Variants in CLMN observed in about 807,000 individuals in gnomAD.
CLMN encodes calmin, also known as calmin (calponin-like, transmembrane).
CLMN carries 57 observed loss-of-function variants against 92.7 expected under a neutral mutation model. The observed-to-expected ratio is 0.61, with a 90% CI of 0.50 to 0.77. The LOEUF is 0.77. CLMN is among the 30% of genes least tolerant of loss of function. The pLI, the probability that CLMN is intolerant of heterozygous loss-of-function variation, is 0.00. For synonymous variants in CLMN, 466 were observed against 470.6 expected (o/e 0.99, Z 0.13); for missense variants, 1,158 against 1,237.5 (o/e 0.94, Z 0.96).
At chr14:95,247,813 C>T (rs1566893003) in intron 1 of CLMN, among the ~76,000 whole-genome samples, 1 of 151,748 alleles carries the variant, frequency 6.6e-6, no homozygotes, top group Non-Finnish European at 1.5e-5. Context: ...GGTGTGCAGG[C>T]CATTAGCTGC....
chr14:95,245,237 ATTATATATATATATATAAT>A lies in CLMN; in HGVS notation c.83-15123_83-15105del, dbSNP rs1898477684. On this transcript the variant is annotated intron_variant, in intron 1 of 12. Transcript: ENST00000298912. Reference sequence around the variant, plus strand: ...ATATATATATATATTATATATATATATTATATATATATATATAATATATATATATATATTATATATATAT... The same window carrying A: ...ATATATATATATATTATATATATATAATATATATATATATTATATATATAT... 9.6e-5 allele frequency among the ~76,000 whole-genome samples: 3 copies of A among 31,262 alleles called. No homozygotes were observed. The Admixed American group carries it at 1.5e-3, about 16-fold the overall frequency. The allele number at this position is 31,262 out of a possible 152,430, so 20.5% of individuals were successfully genotyped here. A position where few individuals can be genotyped will look rare whatever the true frequency, so the allele number is the denominator to read the frequency against.
rs567237321 is a variant in CLMN, at chr14:95,194,144, AC to A, written c.2770-226del. Reference sequence around the variant, plus strand: ...AGTGCGAGAGACCCCACCACCCGGAACCCGGATTGGGGTGTGCTGCTCCGGG... The same window carrying A: ...AGTGCGAGAGACCCCACCACCCGGAACCGGATTGGGGTGTGCTGCTCCGGG... On this transcript the variant is annotated intron_variant, in intron 11 of 12. Coordinates refer to ENST00000298912, the MANE Select transcript of CLMN (RefSeq NM_024734.4). The surrounding 1 kb of genome is among the most constrained non-coding windows in gnomAD (Gnocchi z 4.0). 7.3e-4 allele frequency: 1,027 copies of A among 1,412,450 alleles called. 12 individuals carry two copies. In the African/African-American group the frequency reaches 0.013, roughly 18 times the overall value. The allele number at this position is 1,412,450 out of a possible 1,614,324, so 87.5% of individuals were successfully genotyped here.
chr14:95,210,163 C>T (rs771239803), intron 7 of CLMN, among the ~76,000 whole-genome samples: 8 of 152,186 alleles, frequency 5.3e-5, no homozygotes, highest in Non-Finnish European at 7.3e-5. Context: ...AGTGATTCTC[C>T]TGCCTCAGTC....
intron 1 of CLMN, among the ~76,000 whole-genome samples, chr14:95,239,479 T>C (rs1047358444): frequency 6.6e-6 from 1 of 152,206 alleles, no homozygotes; most frequent in Admixed American, 6.5e-5. Flanking sequence ...AGGACTAAAC[T>C]CTCTGTTGAG....
intron 1 of CLMN, among the ~76,000 whole-genome samples, chr14:95,289,526 A>C (rs896437905): frequency 2.7e-5 from 4 of 148,892 alleles, no homozygotes; most frequent in South Asian, 2.2e-4. Flanking sequence ...AACAAACAAA[A>C]AAACCGTTGT....
In CLMN at chr14:95,210,766, T is replaced by C. The variant is rs752800244; in HGVS notation, c.722A>G (p.Asn241Ser). Residue 241 changes from asparagine (N) to serine (S), a missense_variant, in exon 7 of 13, where the codon AAT (asparagine) becomes AGT (serine). Physicochemically the swap from Asn to Ser is conservative, Grantham distance 46. Transcript: ENST00000298912. ...SLVDMKQALE[N>S]STRENLEKAF... ...CTTCTCTAGATTTTCTCGTGTGGAA[T>C]TTTCCAGGGCCTGTTTCATGTCCAC... 3 of 1,607,756 alleles carry C rather than the reference T, an allele frequency of 1.9e-6. No homozygotes were observed. The highest frequency in any genetic ancestry group is 2.5e-6 in the Non-Finnish European group (3 of 1,177,350).
intron 1 of CLMN, among the ~76,000 whole-genome samples, chr14:95,249,829 A>G (rs1898714379): frequency 1.3e-5 from 2 of 152,088 alleles, no homozygotes; most frequent in African/African-American, 2.4e-5. Flanking sequence ...TCCTGACTTC[A>G]TGATCTGCCC....
chr14:95,261,074 G>T (rs975299561), intron 1 of CLMN, among the ~76,000 whole-genome samples: 13 of 151,746 alleles, frequency 8.6e-5, no homozygotes, highest in African/African-American at 3.1e-4. Flanking sequence ...ATCCCTGAAC[G>T]AAGCTTACTG....
intron 1 of CLMN, among the ~76,000 whole-genome samples, chr14:95,255,154 C>T (rs1898945193): frequency 6.6e-6 from 1 of 152,188 alleles, no homozygotes; most frequent in African/African-American, 2.4e-5. Context: ...ATCTGCAAGC[C>T]AAGGAGAGCG....
Position 95,191,868 on chromosome 14 carries a change from G to C in CLMN, c.2841-136C>G, listed in dbSNP as rs1427782885. The stretch of plus-strand genomic sequence containing the variant: ...GAAGGCTCCCCAGCACCATGTCCAG[G>C]TAGGCCCCACACTGTGTGTACTGGC... On this transcript the variant is annotated intron_variant, in intron 12 of 12. Transcript: ENST00000298912. The surrounding 1 kb of genome is among the most constrained non-coding windows in gnomAD (Gnocchi z 5.3). 1 of 781,770 alleles carries C rather than the reference G, an allele frequency of 1.3e-6. No homozygotes were observed. Among genetic ancestry groups the C allele is most frequent in the Non-Finnish European group, 2.0e-6 (1 of 500,598 alleles). 48.4% of individuals were successfully genotyped at this position (781,770 alleles called of 1,614,324 possible). A position where few individuals can be genotyped will look rare whatever the true frequency, so the allele number is the denominator to read the frequency against.
chr14:95,212,001 C>A (rs7149908), intron 6 of CLMN, among the ~76,000 whole-genome samples: 19,675 of 152,116 alleles, frequency 0.13, 1,703 homozygotes, highest in African/African-American at 0.24. Flanking sequence ...CTACCCTAAC[C>A]CCTGACAATG....
intron 1 of CLMN, among the ~76,000 whole-genome samples, chr14:95,262,864 C>T (rs1899313902): frequency 6.6e-6 from 1 of 152,206 alleles, no homozygotes; most frequent in Admixed American, 6.5e-5. Context: ...CTGTGCCCAG[C>T]CTCCCCATTT....
chr14:95,251,090 C>G (rs1898763952), intron 1 of CLMN, among the ~76,000 whole-genome samples: 1 of 152,086 alleles, frequency 6.6e-6, no homozygotes, highest in African/African-American at 2.4e-5. Flanking sequence ...TTTTATTTCC[C>G]ATGTGGTATG....
chr14:95,292,233 A>G (rs1339284544), intron 1 of CLMN, among the ~76,000 whole-genome samples: 1 of 152,226 alleles, frequency 6.6e-6, no homozygotes, highest in Non-Finnish European at 1.5e-5. Context: ...TCAAAAGGTA[A>G]ATGGTAGTCA....
rs573986442 is a variant in CLMN at position 95,193,324 on chromosome 14, T to TA, written c.2840+524dup. 35 of 1,532,344 alleles carry TA rather than the reference T, an allele frequency of 2.3e-5. 1 individual carries two copies. In the South Asian group the frequency reaches 4.0e-4, roughly 18 times the overall value. The allele number at this position is 1,532,344 out of a possible 1,614,324, so 94.9% of individuals were successfully genotyped here. A position where few individuals can be genotyped will look rare whatever the true frequency, so the allele number is the denominator to read the frequency against. On this transcript the variant is annotated intron_variant, in intron 12 of 12. Coordinates refer to ENST00000298912, the MANE Select transcript of CLMN (RefSeq NM_024734.4). The stretch of plus-strand genomic sequence containing the variant: ...TCTCCGACAGCAAGAAATACTTTCA[T>TA]AGACATCCTGGCATGTTTGCTTTCC...
In CLMN at chr14:95,290,552, A is replaced by C. The variant is rs559556720; in HGVS notation, c.82+29159T>G. 3.9e-5 allele frequency among the ~76,000 whole-genome samples: 6 copies of C among 152,344 alleles called. No individual in the cohort carries two copies. The South Asian group carries it at 1.0e-3, about 26-fold the overall frequency. On this transcript the variant is annotated intron_variant, in intron 1 of 12. Transcript: ENST00000298912. ...TTTGAAGATGGAGGAACAGGCCACA[A>C]GCCAACAAATATGAGGGCCCTCTAG...
At chr14:95,249,813 T>C (rs1898713949) in intron 1 of CLMN, among the ~76,000 whole-genome samples, 1 of 152,194 alleles carries the variant, frequency 6.6e-6, no homozygotes, top group Admixed American at 6.5e-5. Flanking sequence ...CAGGGTGGTC[T>C]TGATCTCCTG....
chr14:95,208,886 A>G (rs10147447), intron 8 of CLMN, among the ~76,000 whole-genome samples: 15,517 of 152,216 alleles, frequency 0.1, 1,355 homozygotes, highest in African/African-American at 0.23. Flanking sequence ...TAGCACATCC[A>G]TGCCATCTCT....
intron 4 of CLMN, 134 bp from the exon 5 acceptor site, chr14:95,215,867 G>A (rs936422491): frequency 1.0e-5 from 7 of 674,458 alleles, no homozygotes; most frequent in Admixed American, 6.9e-5. Context: ...GTGTTTGCAT[G>A]AGCCTGTTTT....
Sources: gnomAD v4.1 joint callset for allele counts (sites outside exome capture counted in the v4.1 genomes callset) on GRCh38, gnomAD v4.1.1 for gene constraint, Gnocchi (gnomAD v3.1) non-coding constraint, MANE v1.5 for transcripts, NCBI Gene and HGNC (gene_info 2026-07-23, HGNC 2026-07-21) for gene names.